The following SBSPON variants were observed in gnomAD, a reference collection of about 807,000 sequenced individuals.
SBSPON encodes the protein somatomedin-B and thrombospondin type-1 domain-containing protein.
SBSPON carries 30 observed loss-of-function variants against 35.8 expected under a neutral mutation model. The ratio of observed to expected loss-of-function variants is 0.84; its 90% CI spans 0.63 to 1.14. SBSPON has a LOEUF of 1.14. Ranked by LOEUF, SBSPON falls within the 50% of genes most tolerant of loss-of-function variation. The probability of loss-of-function intolerance (pLI) is 0.00; values close to 1 mark genes in which losing one functional copy is unlikely to be tolerated. For synonymous variants in SBSPON, 136 were observed against 135.9 expected, an observed-to-expected ratio of 1.00 and a Z score of 0.00; for missense variants, 364 against 357.7, an observed-to-expected ratio of 1.02 and a Z score of -0.14.
At chr8:73,068,668 A>G (rs2129984022) in intron 4 of SBSPON, among the ~76,000 whole-genome samples, 1 of 152,314 alleles carries the variant, frequency 6.6e-6, no homozygotes, top group African/African-American at 2.4e-5. Context: ...TAAGATTATT[A>G]TACCGCAGAG....
rs1810461823 is a variant in SBSPON, at chr8:73,069,963, C to T, written c.519G>A (p.Lys173=). 2 of 1,596,338 alleles carry T rather than the reference C, an allele frequency of 1.3e-6. No individual in the cohort carries two copies. Among genetic ancestry groups the T allele is most frequent in the Non-Finnish European group, 1.7e-6 (2 of 1,170,508 alleles). ...CACAGTGAGGAGTCAAGGACTCTGT[C>T]TTAAACTCCATACAGTATCTACAGC... The part of the protein sequence containing the change: ...TEDAGYCMEF[K]TESLTPHCAL... Residue 173 remains lysine (K), a synonymous_variant, in exon 4 of 5, where the codon AAG becomes AAA. Transcript: ENST00000297354.
intron 1 of SBSPON, among the ~76,000 whole-genome samples, chr8:73,087,135 G>C (rs1810842908): frequency 6.6e-6 from 1 of 152,152 alleles, no homozygotes; most frequent in South Asian, 2.1e-4. Flanking sequence ...TTTATGTGGG[G>C]CCTACCCCGC....
At chr8:73,073,857 T>C (rs922871001) in intron 2 of SBSPON, among the ~76,000 whole-genome samples, 2 of 151,486 alleles carry the variant, frequency 1.3e-5, no homozygotes. Context: ...AGCTGCCTAA[T>C]ACCGGGTAGC....
intron 1 of SBSPON, among the ~76,000 whole-genome samples, 180 bp from the exon 2 acceptor site, chr8:73,081,393 AC>A (rs1424566422): frequency 6.6e-6 from 1 of 152,018 alleles, no homozygotes; most frequent in Non-Finnish European, 1.5e-5. Context: ...CCACCTGCCC[AC>A]CCCGATGGTG....
chr8:73,090,228 T>G (rs564494369), intron 1 of SBSPON, among the ~76,000 whole-genome samples: 77 of 152,334 alleles, frequency 5.1e-4, no homozygotes, highest in Non-Finnish European at 9.6e-4. Flanking sequence ...GGGTGACTTC[T>G]CCAAAGTCAC....
In SBSPON at chr8:73,078,953, C is replaced by T. The variant is rs7841210; in HGVS notation, c.409+2066G>A. Among the ~76,000 whole-genome samples the T allele has an allele frequency of 2.8e-3, 423 of 152,226 alleles. 2 individuals carry two copies. The highest frequency in any genetic ancestry group is 9.5e-3 in the African/African-American group (395 of 41,536). On this transcript the variant is annotated intron_variant, in intron 2 of 4. Transcript: ENST00000297354. Reference sequence around the variant, plus strand: ...GGTGTTCTCTGTGCGCCCCACATGCCGACCTTCCTTTGCCAATCGCATGCA... The same window carrying T: ...GGTGTTCTCTGTGCGCCCCACATGCTGACCTTCCTTTGCCAATCGCATGCA...
At chr8:73,088,313 C>T (rs1352767900) in intron 1 of SBSPON, among the ~76,000 whole-genome samples, 1 of 152,198 alleles carries the variant, frequency 6.6e-6, no homozygotes, top group Non-Finnish European at 1.5e-5. Context: ...GACTCAGTTA[C>T]ATTTTCCATT....
intron 2 of SBSPON, chr8:73,074,588 G>A (rs56780268): frequency 0.18 from 174,987 of 980,582 alleles, 19,145 homozygotes; most frequent in East Asian, 0.55. Flanking sequence ...CACTGCCTCT[G>A]TAATAATATA....
intron 1 of SBSPON, among the ~76,000 whole-genome samples, chr8:73,085,149 G>A (rs925527292): frequency 1.1e-4 from 16 of 152,250 alleles, no homozygotes; most frequent in African/African-American, 3.6e-4. Flanking sequence ...CCAAACCCAT[G>A]GGAATTCTTA....
chr8:73,071,056 T>G (rs1046726570), intron 3 of SBSPON, among the ~76,000 whole-genome samples: 2 of 152,180 alleles, frequency 1.3e-5, no homozygotes, highest in Non-Finnish European at 2.9e-5. Context: ...GGGTTCTCAC[T>G]ATGTTGCCCT....
chr8:73,079,045 C>T (rs1026823087), intron 2 of SBSPON, among the ~76,000 whole-genome samples: 1 of 152,188 alleles, frequency 6.6e-6, no homozygotes, highest in Non-Finnish European at 1.5e-5. Context: ...AGGCTGAGAC[C>T]CTTTAGCTCA....
Position 73,065,421 on chromosome 8 carries a change from A to C in SBSPON, c.*1920T>G, listed in dbSNP as rs190636876. On this transcript the variant is annotated 3_prime_UTR_variant, in exon 5 of 5. Coordinates refer to ENST00000297354, the MANE Select transcript of SBSPON (RefSeq NM_153225.4). The stretch of plus-strand genomic sequence containing the variant: ...GTCCAGAAAATTTGGGTTATTTTCT[A>C]GTCAAACAAATATAGAGCTTTTATA... The C allele has an allele frequency of 7.3e-4, 111 of 152,248 alleles. No individual in the cohort carries two copies. The highest frequency in any genetic ancestry group is 2.5e-3 in the African/African-American group (104 of 41,556). The allele number at this position is 152,248 out of a possible 1,614,324, so 9.4% of individuals were successfully genotyped here.
chr8:73,084,778 ACACAC>A (rs1474021995), intron 1 of SBSPON, among the ~76,000 whole-genome samples: 5 of 151,488 alleles, frequency 3.3e-5, no homozygotes, highest in African/African-American at 1.2e-4. Flanking sequence ...ACACACACAC[ACACAC>A]ACACACACAC....
intron 3 of SBSPON, 90 bp from the exon 4 acceptor site, chr8:73,070,071 G>A (rs1810464459): frequency 4.1e-6 from 3 of 733,332 alleles, no homozygotes; most frequent in East Asian, 5.5e-5. Context: ...ACCTCCAAGG[G>A]CATTTGGCCG....
In SBSPON at chr8:73,065,364, A is replaced by C. The variant is rs550405386; in HGVS notation, c.*1977T>G. 6.6e-6 allele frequency: 1 copy of C among 151,970 alleles called. No individual in the cohort carries two copies. Among genetic ancestry groups the C allele is most frequent in the African/African-American group, 2.4e-5 (1 of 41,402 alleles). 9.4% of individuals were successfully genotyped at this position (151,970 alleles called of 1,614,324 possible). ...CAGTTCTGAAGGATTTTTTTGTTTT[A>C]TTTTTGGTGAAATTTTATCATTCTC... On this transcript the variant is annotated 3_prime_UTR_variant, in exon 5 of 5. Coordinates refer to ENST00000297354, the MANE Select transcript of SBSPON (RefSeq NM_153225.4).
At chr8:73,069,705 C>T in intron 4 of SBSPON, 100 bp downstream of exon 4, 1 of 966,642 alleles carries the variant, frequency 1.0e-6, no homozygotes, top group Admixed American at 2.0e-5. Flanking sequence ...CCCAGTCATC[C>T]CTTGATATGT....
At chr8:73,080,082 C>T (rs1013867360) in intron 2 of SBSPON, among the ~76,000 whole-genome samples, 1 of 152,084 alleles carries the variant, frequency 6.6e-6, no homozygotes, top group Non-Finnish European at 1.5e-5. Context: ...CTCTGTGAGC[C>T]TTGTATGGTC....
intron 1 of SBSPON, among the ~76,000 whole-genome samples, chr8:73,087,781 G>A (rs116976233): frequency 1.3e-5 from 2 of 152,272 alleles, no homozygotes; most frequent in East Asian, 3.9e-4. Context: ...CTTCACTTGG[G>A]TTAATTATTA....
chr8:73,081,106 C>A lies in SBSPON; in HGVS notation c.322G>T (p.Gly108Cys), dbSNP rs188040566. 6.2e-7 allele frequency: 1 copy of A among 1,613,392 alleles called. No individual in the cohort carries two copies. The highest frequency in any genetic ancestry group is 2.2e-5 in the East Asian group (1 of 44,852). Reference protein sequence around the residue: ...RRSVQQEPQNGGAPCPPLEER... With the variant: ...RRSVQQEPQNCGAPCPPLEER... ...TCCAGGGGTGGGCAGGGCGCCCCGC[C>A]GTTCTGAGGCTCCTGCTGCACCGAG... is the stretch of plus-strand genomic sequence containing the variant. Residue 108 changes from glycine (G) to cysteine (C), a missense_variant, in exon 2 of 5, where the codon GGC (glycine) becomes TGC (cysteine). Coordinates refer to ENST00000297354, the MANE Select transcript of SBSPON (RefSeq NM_153225.4).
Sources: gnomAD v4.1 joint callset for allele counts (sites outside exome capture counted in the v4.1 genomes callset) on GRCh38, gnomAD v4.1.1 for gene constraint, MANE v1.5 for transcripts, NCBI Gene and HGNC (gene_info 2026-07-23, HGNC 2026-07-21) for gene names.